The following SMARCD2 variants were observed in gnomAD, a reference collection of about 807,000 sequenced individuals.
SMARCD2 encodes the protein SWI/SNF related BAF chromatin remodeling complex subunit D2.
Under a neutral mutation model 70.4 loss-of-function variants are expected in SMARCD2, and 39 were observed. That is an observed-to-expected ratio of 0.55 (90% CI 0.43 to 0.72). SMARCD2 has a LOEUF of 0.72. SMARCD2 is among the 30% of genes least tolerant of loss of function. The probability of loss-of-function intolerance (pLI) is 0.00; values close to 1 mark genes in which losing one functional copy is unlikely to be tolerated. For synonymous variants in SMARCD2, 249 were observed against 279.4 expected, an observed-to-expected ratio of 0.89 and a Z score of 1.08; for missense variants, 540 against 713.4, an observed-to-expected ratio of 0.76 and a Z score of 2.77.
chr17:63,842,382 C>T, intron 1 of SMARCD2, 77 bp downstream of exon 1: 1 of 1,253,836 alleles, frequency 8.0e-7, no homozygotes, highest in Admixed American at 4.4e-5. Context: ...GGCCCTCACT[C>T]GAGGCCCCTT....
intron 1 of SMARCD2, 39 bp downstream of exon 1, chr17:63,842,420 C>T: frequency 7.5e-7 from 1 of 1,325,320 alleles, no homozygotes; most frequent in East Asian, 3.4e-5. Flanking sequence ...GCCCTCGCAG[C>T]GCCTCTCGCC....
At chr17:63,841,508 G>A (rs1414287448) in intron 1 of SMARCD2, among the ~76,000 whole-genome samples, 2 of 152,240 alleles carry the variant, frequency 1.3e-5, no homozygotes, top group Non-Finnish European at 2.9e-5. Flanking sequence ...AGGGTGACAA[G>A]GCAGATGGGC....
chr17:63,842,561 G>T lies in SMARCD2; in HGVS notation c.114C>A (p.Pro38=). Residue 38 remains proline (P), a synonymous_variant, in exon 1 of 13, where the codon CCC becomes CCA. Transcript: ENST00000448276. ...GACCCGGTCCCCGGAGCGCCGGTCC[G>T]GGCAGCATGCCGGGTCCCGCGGGGG... ...PPPPAGPGML[P]GPALRGPGPA... 1 of 1,205,664 alleles carries T rather than the reference G, an allele frequency of 8.3e-7. No homozygotes were observed. Among genetic ancestry groups the T allele is most frequent in the South Asian group, 4.1e-5 (1 of 24,400 alleles). The allele number at this position is 1,205,664 out of a possible 1,614,324, so 74.7% of individuals were successfully genotyped here.
Position 63,837,328 on chromosome 17 carries a change from C to A in SMARCD2, c.402-91G>T, listed in dbSNP as rs902896427. The A allele has an allele frequency of 2.6e-6, 4 of 1,525,034 alleles. No homozygotes were observed. The African/African-American group carries it at 4.1e-5, about 16-fold the overall frequency. The allele number at this position is 1,525,034 out of a possible 1,614,324, so 94.5% of individuals were successfully genotyped here. A position where few individuals can be genotyped will look rare whatever the true frequency, so the allele number is the denominator to read the frequency against. ...CCCCTCCAGTCTCCAGGACCCTCTC[C>A]CCCAGGAGAGCCTGGAGTCATCCTC... On this transcript the variant is annotated intron_variant, in intron 2 of 12. Coordinates refer to ENST00000448276, the MANE Select transcript of SMARCD2 (RefSeq NM_001098426.2). The surrounding 1 kb of genome is among the most constrained non-coding windows in gnomAD (Gnocchi z 6.4).
intron 4 of SMARCD2, among the ~76,000 whole-genome samples, chr17:63,835,875 C>T (rs372168399): frequency 3.3e-5 from 5 of 151,986 alleles, no homozygotes; most frequent in South Asian, 2.1e-4. Context: ...ACTACAGGTG[C>T]GCACCACCAT....
chr17:63,839,054 G>A, intron 1 of SMARCD2: 1 of 985,356 alleles, frequency 1.0e-6, no homozygotes, highest in Non-Finnish European at 1.2e-6. Context: ...GGCTTTGGGA[G>A]TCCTGCCAAA....
In SMARCD2 at chr17:63,834,337, G is replaced by T. The variant is rs1356687281; in HGVS notation, c.922-9C>A. 4 of 1,608,450 alleles carry T rather than the reference G, an allele frequency of 2.5e-6. No individual in the cohort carries two copies. The highest frequency in any genetic ancestry group is 3.4e-6 in the Non-Finnish European group (4 of 1,175,718). Reference sequence around the variant, plus strand: ...AATTTGTACTGGGGAGGCTGGAGTTGGATGGAGGGGAGTCAGAACGGGTTC... The same window carrying T: ...AATTTGTACTGGGGAGGCTGGAGTTTGATGGAGGGGAGTCAGAACGGGTTC... On this transcript the variant is annotated splice_polypyrimidine_tract_variant and intron_variant, in intron 7 of 12. Coordinates refer to ENST00000448276, the MANE Select transcript of SMARCD2 (RefSeq NM_001098426.2). This position sits in a 1 kb window ranked among gnomAD's most constrained non-coding sequence, Gnocchi z 5.6.
rs2040228394 is a variant in SMARCD2 at position 63,833,840 on chromosome 17, T to C, written c.1181+69A>G. 6 of 1,558,924 alleles carry C rather than the reference T, an allele frequency of 3.8e-6. No individual in the cohort carries two copies. The highest frequency in any genetic ancestry group is 1.7e-5 in the Admixed American group (1 of 58,790). ...GGAAAAAGAAACCTGATGCTTTCTT[T>C]GGCTTTAGTTCAAGCCAAGGGTGAA... On this transcript the variant is annotated intron_variant, in intron 9 of 12. Transcript: ENST00000448276. This position sits in a 1 kb window ranked among gnomAD's most constrained non-coding sequence, Gnocchi z 4.3.
rs2040209957 is a variant in SMARCD2 at position 63,832,881 on chromosome 17, A to G, written c.*57T>C. 2 of 1,479,838 alleles carry G rather than the reference A, an allele frequency of 1.4e-6. No individual in the cohort carries two copies. The highest frequency in any genetic ancestry group is 1.8e-6 in the Non-Finnish European group (2 of 1,083,242). 91.7% of individuals were successfully genotyped at this position (1,479,838 alleles called of 1,614,324 possible). ...CTACGTGTCTGCGGCCCCAGCAAGG[A>G]CCCAGAGGGTGGTCTCCCTCCAGGC... On this transcript the variant is annotated 3_prime_UTR_variant, in exon 13 of 13. Coordinates refer to ENST00000448276, the MANE Select transcript of SMARCD2 (RefSeq NM_001098426.2).
At chr17:63,838,586 G>C in intron 1 of SMARCD2, 1 of 1,448,850 alleles carries the variant, frequency 6.9e-7, no homozygotes, top group Non-Finnish European at 9.1e-7. Flanking sequence ...AGCTTCTTTA[G>C]ATGCCTGCAG....
chr17:63,838,731 C>T (rs910382160), intron 1 of SMARCD2: 2 of 1,309,994 alleles, frequency 1.5e-6, no homozygotes, highest in African/African-American at 1.5e-5. Flanking sequence ...CACACACTGT[C>T]CCTGGCAGCT....
chr17:63,834,807 A>G lies in SMARCD2; in HGVS notation c.724-7T>C. ...TCCTCTTCTGTTTGCTAGGCTGGGG[A>G]TGGAAAGGGGTGTGAGATGGTGCTG... On this transcript the variant is annotated splice_polypyrimidine_tract_variant and splice_region_variant and intron_variant, in intron 5 of 12. Coordinates refer to ENST00000448276, the MANE Select transcript of SMARCD2 (RefSeq NM_001098426.2). This position sits in a 1 kb window ranked among gnomAD's most constrained non-coding sequence, Gnocchi z 5.6. 6.3e-7 allele frequency: 1 copy of G among 1,594,516 alleles called. No homozygotes were observed. The highest frequency in any genetic ancestry group is 8.6e-7 in the Non-Finnish European group (1 of 1,162,168).
chr17:63,835,139 T>G (rs1355338343), intron 5 of SMARCD2: 2 of 531,974 alleles, frequency 3.8e-6, no homozygotes, highest in East Asian at 6.4e-5. Context: ...TCTTTTTTTT[T>G]CTGAGACACA....
Position 63,832,843 on chromosome 17 carries a change from TCCTCAC to T in SMARCD2, c.*89_*94del. 9.9e-7 allele frequency: 1 copy of T among 1,005,294 alleles called. No individual in the cohort carries two copies. Among genetic ancestry groups the T allele is most frequent in the Non-Finnish European group, 1.5e-6 (1 of 650,726 alleles). The allele number at this position is 1,005,294 out of a possible 1,614,324, so 62.3% of individuals were successfully genotyped here. A position where few individuals can be genotyped will look rare whatever the true frequency, so the allele number is the denominator to read the frequency against. ...GAGAGTAGAGGGTGACAGCAGACAC[TCCTCAC>T]CCCAGCCTACGTGTCTGCGGCCCCA... On this transcript the variant is annotated 3_prime_UTR_variant, in exon 13 of 13. Coordinates refer to ENST00000448276, the MANE Select transcript of SMARCD2 (RefSeq NM_001098426.2).
chr17:63,834,936 A>G lies in SMARCD2; in HGVS notation c.724-136T>C. ...AGATTCCTGGGCCCTGAAGGATGGA[A>G]GCAGGACTCTGGGCAGACTGGAGGC... On this transcript the variant is annotated intron_variant, in intron 5 of 12. Coordinates refer to ENST00000448276, the MANE Select transcript of SMARCD2 (RefSeq NM_001098426.2). This position sits in a 1 kb window ranked among gnomAD's most constrained non-coding sequence, Gnocchi z 5.6. The G allele has an allele frequency of 1.5e-6, 1 of 664,838 alleles. No individual in the cohort carries two copies. Among genetic ancestry groups the G allele is most frequent in the Non-Finnish European group, 2.6e-6 (1 of 379,478 alleles). 41.2% of individuals were successfully genotyped at this position (664,838 alleles called of 1,614,324 possible). A position where few individuals can be genotyped will look rare whatever the true frequency, so the allele number is the denominator to read the frequency against.
At chr17:63,839,432 C>A (rs1291514234) in intron 1 of SMARCD2, among the ~76,000 whole-genome samples, 1 of 152,140 alleles carries the variant, frequency 6.6e-6, no homozygotes, top group Non-Finnish European at 1.5e-5. Flanking sequence ...TCCACCCAGA[C>A]ATCTGCTCCA....
At chr17:63,836,015 C>CA (rs1338152725) in intron 4 of SMARCD2, among the ~76,000 whole-genome samples, 1 of 152,030 alleles carries the variant, frequency 6.6e-6, no homozygotes, top group African/African-American at 2.4e-5. Flanking sequence ...AGGTGTGAGC[C>CA]ACCGCACCTG....
chr17:63,842,681 G>C lies in SMARCD2; in HGVS notation c.-7C>G. The C allele has an allele frequency of 7.6e-7, 1 of 1,314,366 alleles. No individual in the cohort carries two copies. Among genetic ancestry groups the C allele is most frequent in the Non-Finnish European group, 9.7e-7 (1 of 1,029,060 alleles). The allele number at this position is 1,314,366 out of a possible 1,614,324, so 81.4% of individuals were successfully genotyped here. A position where few individuals can be genotyped will look rare whatever the true frequency, so the allele number is the denominator to read the frequency against. The stretch of plus-strand genomic sequence containing the variant: ...CCGCGCCTCGGCCCGACATCGCTCC[G>C]TCCCGTCCCGCGGTGCCGCGATCCG... On this transcript the variant is annotated 5_prime_UTR_variant, in exon 1 of 13. Transcript: ENST00000448276.
Position 63,833,783 on chromosome 17 carries a change from A to T in SMARCD2, c.1182-61T>A. ...TGACTTCATCCTGCCCACCTGGGCC[A>T]AATCTGGGGCCCATTCTCTGCACAC... On this transcript the variant is annotated intron_variant, in intron 9 of 12. Transcript: ENST00000448276. This position sits in a 1 kb window ranked among gnomAD's most constrained non-coding sequence, Gnocchi z 4.3. The T allele has an allele frequency of 1.2e-6, 2 of 1,603,668 alleles. No individual in the cohort carries two copies. Among genetic ancestry groups the T allele is most frequent in the Non-Finnish European group, 1.7e-6 (2 of 1,170,848 alleles).
Sources: allele counts gnomAD v4.1 joint callset (sites outside exome capture counted in the v4.1 genomes callset), GRCh38; gene constraint gnomAD v4.1.1; non-coding constraint Gnocchi (gnomAD v3.1); transcripts MANE v1.5; gene names NCBI Gene and HGNC (gene_info 2026-07-23, HGNC 2026-07-21).